ATP6V1H: variants seen among roughly 807,000 people sequenced by gnomAD.
ATP6V1H encodes V-type proton ATPase subunit H.
In ATP6V1H, 39 loss-of-function variants were observed where a neutral mutation model predicts 71.7. The ratio of observed to expected loss-of-function variants is 0.54; its 90% CI spans 0.42 to 0.71. ATP6V1H has a LOEUF of 0.71. Among genes scored for constraint, ATP6V1H ranks in the 30% least tolerant of loss-of-function variants. The pLI, the probability that ATP6V1H is intolerant of heterozygous loss-of-function variation, is 0.00. For missense variants in ATP6V1H, 509 were observed against 594.9 expected, an observed-to-expected ratio of 0.86 and a Z score of 1.50; for synonymous variants, 192 against 199.3, an observed-to-expected ratio of 0.96 and a Z score of 0.31.
In ATP6V1H at chr8:53,776,559, C is replaced by T. The variant is rs552367649; in HGVS notation, c.871-4392G>A. ...AGGAAGAGAGAGCTTGGAGCTGGAG[C>T]CCAGCCAAGTTAACTGCCTGCTAAA... On this transcript the variant is annotated intron_variant, in intron 9 of 13. Coordinates refer to ENST00000359530, the MANE Select transcript of ATP6V1H (RefSeq NM_015941.4). Among the ~76,000 whole-genome samples, 17 of 152,314 alleles carry T rather than the reference C, an allele frequency of 1.1e-4. No individual in the cohort carries two copies. The East Asian group carries it at 3.3e-3, about 29-fold the overall frequency.
At chr8:53,810,009 T>C (rs1348304556) in intron 7 of ATP6V1H, among the ~76,000 whole-genome samples, 1 of 152,172 alleles carries the variant, frequency 6.6e-6, no homozygotes, top group African/African-American at 2.4e-5. Flanking sequence ...AGCTTCAAAA[T>C]GGATTTTGCT....
intron 9 of ATP6V1H, among the ~76,000 whole-genome samples, chr8:53,786,571 G>T (rs1466525148): frequency 2.6e-5 from 4 of 152,136 alleles, no homozygotes; most frequent in African/African-American, 7.2e-5. Context: ...GATGAACCTG[G>T]TACCTCAGTT....
intron 2 of ATP6V1H, among the ~76,000 whole-genome samples, chr8:53,838,655 A>G (rs1292692520): frequency 1.3e-5 from 2 of 152,332 alleles, no homozygotes; most frequent in East Asian, 3.9e-4. Flanking sequence ...TTGTATCCTC[A>G]AGGTAGTTTT....
At chr8:53,839,250 T>G (rs1404228993) in intron 2 of ATP6V1H, among the ~76,000 whole-genome samples, 2 of 152,214 alleles carry the variant, frequency 1.3e-5, no homozygotes, top group Non-Finnish European at 2.9e-5. Context: ...TATTATTCTA[T>G]GTAGGCTATA....
chr8:53,751,691 A>G (rs1311489312), intron 12 of ATP6V1H, among the ~76,000 whole-genome samples: 1 of 149,530 alleles, frequency 6.7e-6, no homozygotes, highest in Non-Finnish European at 1.5e-5. Context: ...TTTTTTCGAG[A>G]CAGAGTCTCG....
At position 53,744,427 on chromosome 8, in the gene ATP6V1H, T is replaced by A. The variant is rs144043938; in HGVS notation, c.1278-737A>T. 4.1e-3 allele frequency among the ~76,000 whole-genome samples: 632 copies of A among 152,302 alleles called. 9 individuals are homozygous for A. Among genetic ancestry groups the A allele is most frequent in the East Asian group, 2.1e-3 (11 of 5,184 alleles). On this transcript the variant is annotated intron_variant, in intron 12 of 13. Coordinates refer to ENST00000359530, the MANE Select transcript of ATP6V1H (RefSeq NM_015941.4). ...TTGGTCCTCTGTTTCTTTGCAAAGG[T>A]GTGGTTACAGACAGAGCTGTGGAGT...
intron 11 of ATP6V1H, among the ~76,000 whole-genome samples, chr8:53,761,757 C>T (rs1228490590): frequency 6.6e-6 from 1 of 152,170 alleles, no homozygotes; most frequent in Admixed American, 6.5e-5. Context: ...CAGTAATACA[C>T]AGAAAATGGA....
intron 9 of ATP6V1H, among the ~76,000 whole-genome samples, chr8:53,783,409 T>C (rs987441862): frequency 6.6e-6 from 1 of 152,230 alleles, no homozygotes; most frequent in African/African-American, 2.4e-5. Flanking sequence ...CATTTTTTAT[T>C]GTGTCTATTT....
chr8:53,743,918 A>G (rs1459514644), intron 12 of ATP6V1H, among the ~76,000 whole-genome samples: 1 of 152,094 alleles, frequency 6.6e-6, no homozygotes, highest in Non-Finnish European at 1.5e-5. Flanking sequence ...CTCATTTCTC[A>G]TCTCTAATCC....
chr8:53,737,992 A>G (rs1181234399), intron 13 of ATP6V1H, among the ~76,000 whole-genome samples: 1 of 152,192 alleles, frequency 6.6e-6, no homozygotes, highest in Non-Finnish European at 1.5e-5. Flanking sequence ...ACATACATAA[A>G]GGGAAACTGA....
intron 2 of ATP6V1H, among the ~76,000 whole-genome samples, chr8:53,840,330 T>C (rs1563321414): frequency 6.6e-6 from 1 of 152,040 alleles, no homozygotes; most frequent in African/African-American, 2.4e-5. Flanking sequence ...ACCCTGTCTC[T>C]ACTAAAAATA....
intron 11 of ATP6V1H, among the ~76,000 whole-genome samples, chr8:53,760,868 T>C (rs1403376636): frequency 6.6e-6 from 1 of 152,178 alleles, no homozygotes; most frequent in Admixed American, 6.5e-5. Flanking sequence ...CAGCTACACT[T>C]TCTCAGGGCT....
At chr8:53,720,451 GTGAC>G (rs1563434782) in intron 13 of ATP6V1H, among the ~76,000 whole-genome samples, 1 of 152,220 alleles carries the variant, frequency 6.6e-6, no homozygotes, top group Non-Finnish European at 1.5e-5. Flanking sequence ...CATTCTGAAG[GTGAC>G]TGACTATCTA....
intron 13 of ATP6V1H, among the ~76,000 whole-genome samples, chr8:53,722,602 G>A (rs1464964903): frequency 6.6e-6 from 1 of 152,030 alleles, no homozygotes; most frequent in East Asian, 1.9e-4. Flanking sequence ...AGTGGAGATG[G>A]TGTCCCATTT....
intron 13 of ATP6V1H, among the ~76,000 whole-genome samples, chr8:53,732,629 T>C (rs1419632256): frequency 7.4e-6 from 1 of 135,558 alleles, no homozygotes; most frequent in Non-Finnish European, 1.6e-5. Context: ...AAAACCAGCA[T>C]AGATCCAGCC....
intron 13 of ATP6V1H, among the ~76,000 whole-genome samples, chr8:53,742,562 T>G (rs1807450263): frequency 6.6e-6 from 1 of 152,180 alleles, no homozygotes; most frequent in South Asian, 2.1e-4. Flanking sequence ...ATCATTTAAC[T>G]TATCAGGGTA....
rs575532069 is a variant in ATP6V1H, at chr8:53,751,387, C to T, written c.1277+5168G>A. 3.3e-5 allele frequency among the ~76,000 whole-genome samples: 5 copies of T among 152,232 alleles called. No homozygotes were observed. In the South Asian group the frequency reaches 8.3e-4, roughly 25 times the overall value. ...ATGTGGATAAAAAGGCTGTACTAAC[C>T]GAATTGGAAGTCCGTGATGTGCCTA... is the stretch of plus-strand genomic sequence containing the variant. On this transcript the variant is annotated intron_variant, in intron 12 of 13. Coordinates refer to ENST00000359530, the MANE Select transcript of ATP6V1H (RefSeq NM_015941.4).
At position 53,747,597 on chromosome 8, in the gene ATP6V1H, T is replaced by C. The variant is rs764838419; in HGVS notation, c.1278-3907A>G. Among the ~76,000 whole-genome samples the C allele has an allele frequency of 4.0e-5, 6 of 151,642 alleles. No homozygotes were observed. The South Asian group carries it at 6.3e-4, about 16-fold the overall frequency. ...CTCCATTGCCCAGGCTGGAGTGCAG[T>C]GGCATGATCTCAGCACACTGCAACC... On this transcript the variant is annotated intron_variant, in intron 12 of 13. Transcript: ENST00000359530.
intron 11 of ATP6V1H, among the ~76,000 whole-genome samples, chr8:53,767,330 AG>A (rs1808505533): frequency 6.6e-6 from 1 of 152,236 alleles, no homozygotes; most frequent in Non-Finnish European, 1.5e-5. Flanking sequence ...GTGGAGGTAG[AG>A]GTAGCATATG....
Sources: gnomAD v4.1 joint callset for allele counts (sites outside exome capture counted in the v4.1 genomes callset) on GRCh38, gnomAD v4.1.1 for gene constraint, MANE v1.5 for transcripts, NCBI Gene and HGNC (gene_info 2026-07-23, HGNC 2026-07-21) for gene names.